NAP1L1: variants seen among roughly 807,000 people sequenced by gnomAD.
NAP1L1 encodes nucleosome assembly protein 1 like 1.
In NAP1L1, 9 loss-of-function variants were observed where a neutral mutation model predicts 58.9. The observed-to-expected ratio is 0.15, with a 90% confidence interval of 0.09 to 0.27. NAP1L1 has a LOEUF of 0.27. NAP1L1 is among the 10% of genes least tolerant of loss of function. The pLI is 1.00. For synonymous variants in NAP1L1, 130 were observed against 138.3 expected, an observed-to-expected ratio of 0.94 and a Z score of 0.42; for missense variants, 302 against 458.8, an observed-to-expected ratio of 0.66 and a Z score of 3.12.
rs1434436817 is a variant in NAP1L1 at position 76,042,298 on chromosome 12, C to CT, written c.*6130dup. 1 of 152,164 alleles carries CT rather than the reference C, an allele frequency of 6.6e-6. No homozygotes were observed. Among genetic ancestry groups the CT allele is most frequent in the East Asian group, 1.9e-4 (1 of 5,188 alleles). The allele number at this position is 152,164 out of a possible 1,614,324, so 9.4% of individuals were successfully genotyped here. ...TATGTTTAGGAAGTGCTCATAGGCT[C>CT]TAAGTACTTTTGTTTCCTTATTAAT... On this transcript the variant is annotated 3_prime_UTR_variant, in exon 15 of 15. Transcript: ENST00000618691.
At chr12:76,070,261 T>C (rs926887940) in intron 2 of NAP1L1, among the ~76,000 whole-genome samples, 15 of 152,270 alleles carry the variant, frequency 9.9e-5, no homozygotes, top group Non-Finnish European at 1.9e-4. Context: ...TAGCTGGGAC[T>C]ACAGGAGTGC....
At chr12:76,064,195 C>T (rs1326429289) in intron 4 of NAP1L1, among the ~76,000 whole-genome samples, 1 of 151,976 alleles carries the variant, frequency 6.6e-6, no homozygotes, top group African/African-American at 2.4e-5. Flanking sequence ...ATTATGACCC[C>T]CCCAAAAAAC....
chr12:76,068,779 C>CACA (rs1555184946), intron 3 of NAP1L1, 130 bp downstream of exon 3: 4 of 643,758 alleles, frequency 6.2e-6, no homozygotes, highest in Non-Finnish European at 8.3e-6. Flanking sequence ...CACACACACA[C>CACA]TAGAAGTATG....
At position 76,055,053 on chromosome 12, in the gene NAP1L1, A is replaced by G. The variant is rs1295900723; in HGVS notation, c.596T>C (p.Ile199Thr). ...DEPILKHLKD[I>T]KVKFSDAGQP... ...GCCAGCATCTGAGAACTTCACTTTA[A>G]TATCTTTCAAGTGCTTCAGAATAGG... The change falls in exon 8 of 15, where the codon ATT (isoleucine) becomes ACT (threonine). Residue 199 changes from isoleucine (I) to threonine (T), a missense_variant. Transcript: ENST00000618691. 10 of 1,606,478 alleles carry G rather than the reference A, an allele frequency of 6.2e-6. No individual in the cohort carries two copies. Among genetic ancestry groups the G allele is most frequent in the Middle Eastern group, 1.7e-4 (1 of 6,044 alleles).
chr12:76,053,633 G>A, intron 9 of NAP1L1, 137 bp downstream of exon 9: 4 of 1,086,718 alleles, frequency 3.7e-6, no homozygotes, highest in Non-Finnish European at 3.9e-6. Context: ...AACTTGATAA[G>A]CACTTTTCAG....
intron 4 of NAP1L1, chr12:76,061,223 T>C (rs1022715213): frequency 1.7e-5 from 3 of 179,692 alleles, no homozygotes; most frequent in African/African-American, 7.2e-5. Context: ...GATTATTTTA[T>C]CACCCAAGTA....
intron 12 of NAP1L1, 68 bp from the exon 13 acceptor site, chr12:76,049,853 A>G: frequency 6.5e-7 from 1 of 1,545,120 alleles, no homozygotes; most frequent in Non-Finnish European, 8.9e-7. Context: ...CATCAGTAAC[A>G]TTTATCACTG....
At chr12:76,057,556 G>T in intron 6 of NAP1L1, 1 of 865,182 alleles carries the variant, frequency 1.2e-6, no homozygotes. Flanking sequence ...TGACGTTTCC[G>T]ATTCCAATAG....
intron 1 of NAP1L1, among the ~76,000 whole-genome samples, chr12:76,081,658 G>C (rs953555597): frequency 1.3e-5 from 2 of 152,270 alleles, no homozygotes; most frequent in Admixed American, 1.3e-4. Flanking sequence ...AAATATGCAG[G>C]AAGTAAAAGG....
At chr12:76,080,749 T>C (rs983971902) in intron 1 of NAP1L1, among the ~76,000 whole-genome samples, 7 of 152,172 alleles carry the variant, frequency 4.6e-5, no homozygotes, top group African/African-American at 1.7e-4. Context: ...GTTTGAGTAT[T>C]TGTCCCCTCT....
At chr12:76,072,311 A>C (rs905879303) in intron 2 of NAP1L1, among the ~76,000 whole-genome samples, 17 of 151,622 alleles carry the variant, frequency 1.1e-4, no homozygotes, top group East Asian at 1.9e-4. Flanking sequence ...AAAAAAAAAA[A>C]AAAACAAAAA....
At position 76,037,136 on chromosome 12, in the gene NAP1L1, C is replaced by T. The variant is rs2080845614; in HGVS notation, c.*11293G>A. ...CAGTTTAGACTTCTTAGCCTTATTTCATCTTTGAAGTACTATTCAGAAGAA... is the reference window on the plus strand; with the variant it reads ...CAGTTTAGACTTCTTAGCCTTATTTTATCTTTGAAGTACTATTCAGAAGAA... On this transcript the variant is annotated 3_prime_UTR_variant, in exon 15 of 15. Coordinates refer to ENST00000618691, the MANE Select transcript of NAP1L1 (RefSeq NM_004537.7). 1 of 152,168 alleles carries T rather than the reference C, an allele frequency of 6.6e-6. No homozygotes were observed. Among genetic ancestry groups the T allele is most frequent in the Admixed American group, 6.6e-5 (1 of 15,256 alleles). 9.4% of individuals were successfully genotyped at this position (152,168 alleles called of 1,614,324 possible). A position where few individuals can be genotyped will look rare whatever the true frequency, so the allele number is the denominator to read the frequency against.
Position 76,040,988 on chromosome 12 carries a change from T to G in NAP1L1, c.*7441A>C, listed in dbSNP as rs1948546085. On this transcript the variant is annotated 3_prime_UTR_variant, in exon 15 of 15. Coordinates refer to ENST00000618691, the MANE Select transcript of NAP1L1 (RefSeq NM_004537.7). ...GTTTCCACAGTAGGCTGTCAAGTTT[T>G]GGGGGAATCAGCTTATACATAGATT... 1.3e-5 allele frequency: 2 copies of G among 152,254 alleles called. No homozygotes were observed. The highest frequency in any genetic ancestry group is 4.8e-5 in the African/African-American group (2 of 41,462). 9.4% of individuals were successfully genotyped at this position (152,254 alleles called of 1,614,324 possible).
chr12:76,051,633 G>A lies in NAP1L1; in HGVS notation c.937-980C>T, dbSNP rs562796248. On this transcript the variant is annotated intron_variant, in intron 11 of 14. Coordinates refer to ENST00000618691, the MANE Select transcript of NAP1L1 (RefSeq NM_004537.7). ...TTCCACCTCCGCCACCAGAGCAGCT[G>A]GGACTACAGGTGCCTGAAGCTGTAC... 4.1e-4 allele frequency among the ~76,000 whole-genome samples: 63 copies of A among 152,222 alleles called. No individual in the cohort carries two copies. The East Asian group carries it at 9.5e-3, about 23-fold the overall frequency.
intron 1 of NAP1L1, among the ~76,000 whole-genome samples, chr12:76,074,839 C>A (rs1195174637): frequency 6.6e-6 from 1 of 152,090 alleles, no homozygotes; most frequent in Non-Finnish European, 1.5e-5. Flanking sequence ...TTAGGTAAGC[C>A]TTCCCTATCT....
intron 2 of NAP1L1, 194 bp downstream of exon 2, chr12:76,074,009 T>C: frequency 2.0e-6 from 1 of 499,070 alleles, no homozygotes; most frequent in Non-Finnish European, 3.6e-6. Flanking sequence ...GTTTCGAATA[T>C]ATGATCATAA....
chr12:76,050,264 T>C (rs1370487289), intron 12 of NAP1L1, among the ~76,000 whole-genome samples: 1 of 152,112 alleles, frequency 6.6e-6, no homozygotes, highest in African/African-American at 2.4e-5. Context: ...AAGGGCATAA[T>C]AGATCTATAG....
intron 12 of NAP1L1, 131 bp from the exon 13 acceptor site, chr12:76,049,916 T>C: frequency 1.1e-6 from 1 of 923,890 alleles, no homozygotes; most frequent in Non-Finnish European, 1.7e-6. Flanking sequence ...AGGGGCTGAT[T>C]ATAAATTAAA....
At chr12:76,063,401 AG>A (rs1196041121) in intron 4 of NAP1L1, among the ~76,000 whole-genome samples, 2 of 152,260 alleles carry the variant, frequency 1.3e-5, no homozygotes, top group African/African-American at 4.8e-5. Flanking sequence ...GCAGAAAAGA[AG>A]GAAGAAAGAC....
Sources: allele counts gnomAD v4.1 joint callset (sites outside exome capture counted in the v4.1 genomes callset), GRCh38; gene constraint gnomAD v4.1.1; transcripts MANE v1.5; gene names NCBI Gene and HGNC (gene_info 2026-07-23, HGNC 2026-07-21).